The following EVA1A variants were observed in gnomAD, a reference collection of about 807,000 sequenced individuals.
EVA1A encodes protein eva-1 homolog A.
Under a neutral mutation model 9.8 loss-of-function variants are expected in EVA1A, and 7 were observed. The observed-to-expected ratio is 0.71, with a 90% CI of 0.41 to 1.34. The LOEUF is 1.34. EVA1A is among the 40% of genes most tolerant of loss of function. The pLI, the probability that EVA1A is intolerant of heterozygous loss-of-function variation, is 0.01. For missense variants in EVA1A, 206 were observed against 205.9 expected, an observed-to-expected ratio of 1.00 and a Z score of 0.00; for synonymous variants, 90 against 85.6, an observed-to-expected ratio of 1.05 and a Z score of -0.28.
intron 3 of EVA1A, among the ~76,000 whole-genome samples, chr2:75,499,484 TAA>T (rs1558670331): frequency 6.6e-6 from 1 of 152,272 alleles, no homozygotes; most frequent in African/African-American, 2.4e-5. Context: ...CTAGTGATAA[TAA>T]AAAAGTCAAA....
At chr2:75,559,792 G>C (rs1407360370) in intron 1 of EVA1A, among the ~76,000 whole-genome samples, 1 of 151,568 alleles carries the variant, frequency 6.6e-6, no homozygotes, top group Non-Finnish European at 1.5e-5. Flanking sequence ...GTGTGGTATA[G>C]ACCAGCTAGG....
chr2:75,497,522 T>TA (rs1328995641), intron 3 of EVA1A, among the ~76,000 whole-genome samples: 14 of 151,566 alleles, frequency 9.2e-5, no homozygotes, highest in Middle Eastern at 3.4e-3. Flanking sequence ...TTATTAAAAG[T>TA]AAAAAAATAC....
At chr2:75,518,602 C>A in intron 2 of EVA1A, 1 of 990,854 alleles carries the variant, frequency 1.0e-6, no homozygotes, top group Non-Finnish European at 1.2e-6. Flanking sequence ...TTTCTCTGCC[C>A]TGTATCTTCC....
At chr2:75,515,376 G>T (rs1674967906) in intron 3 of EVA1A, among the ~76,000 whole-genome samples, 1 of 152,220 alleles carries the variant, frequency 6.6e-6, no homozygotes, top group Non-Finnish European at 1.5e-5. Context: ...GATGTGAAAA[G>T]CTCAGCTGAG....
At chr2:75,520,652 G>A (rs1675201024) in intron 2 of EVA1A, among the ~76,000 whole-genome samples, 1 of 152,070 alleles carries the variant, frequency 6.6e-6, no homozygotes, top group Non-Finnish European at 1.5e-5. Flanking sequence ...CGTGCAAAAG[G>A]ATGAAGTTGG....
chr2:75,534,999 T>TA (rs1309689775), intron 1 of EVA1A, among the ~76,000 whole-genome samples: 4 of 152,144 alleles, frequency 2.6e-5, no homozygotes, highest in Non-Finnish European at 4.4e-5. Flanking sequence ...ATCCACTAAA[T>TA]AGGGTATCCT....
chr2:75,511,980 G>A (rs989033150), intron 3 of EVA1A, among the ~76,000 whole-genome samples: 3 of 151,890 alleles, frequency 2.0e-5, no homozygotes, highest in Non-Finnish European at 4.4e-5. Flanking sequence ...GGGGAGAAGT[G>A]GAGAGTGATG....
chr2:75,514,579 T>A (rs1674937471), intron 3 of EVA1A, among the ~76,000 whole-genome samples: 1 of 152,146 alleles, frequency 6.6e-6, no homozygotes, highest in Admixed American at 6.5e-5. Context: ...AAAATACATA[T>A]ACCTTCACCT....
chr2:75,525,447 C>A (rs1675395787), intron 1 of EVA1A, among the ~76,000 whole-genome samples: 1 of 152,160 alleles, frequency 6.6e-6, no homozygotes, highest in Admixed American at 6.5e-5. Context: ...GCCTGTCTAC[C>A]AAAGCATTGT....
Position 75,493,088 on chromosome 2 carries a change from A to C in EVA1A, c.*148T>G. The C allele has an allele frequency of 8.3e-7, 1 of 1,199,464 alleles. No homozygotes were observed. The allele number at this position is 1,199,464 out of a possible 1,614,324, so 74.3% of individuals were successfully genotyped here. A position where few individuals can be genotyped will look rare whatever the true frequency, so the allele number is the denominator to read the frequency against. On this transcript the variant is annotated 3_prime_UTR_variant, in exon 4 of 4. Transcript: ENST00000393913. ...CCATACATTTGGCCAAAAAGGAGCA[A>C]TCCTCCTGGCTAGAAAAGGGGCATG...
chr2:75,529,323 A>C (rs1675564208), intron 1 of EVA1A, among the ~76,000 whole-genome samples: 1 of 152,250 alleles, frequency 6.6e-6, no homozygotes, highest in South Asian at 2.1e-4. Context: ...CCCCACTGAC[A>C]GCACTAGACA....
intron 3 of EVA1A, among the ~76,000 whole-genome samples, chr2:75,500,923 A>G (rs890452060): frequency 5.3e-5 from 8 of 151,866 alleles, no homozygotes; most frequent in African/African-American, 1.9e-4. Context: ...GCAGCTTTCT[A>G]ACTCTGGATT....
In EVA1A at chr2:75,518,227, T is replaced by A. The variant is rs1221160993; in HGVS notation, c.-68-19A>T. On this transcript the variant is annotated intron_variant, in intron 2 of 3. Coordinates refer to ENST00000393913, the MANE Select transcript of EVA1A (RefSeq NM_001135032.2). ...TTCTCTTCTGTTTGGGAACATAAAGTGAGTGATAAGAAACATTCTGCTGTC... is the reference window on the plus strand; with the variant it reads ...TTCTCTTCTGTTTGGGAACATAAAGAGAGTGATAAGAAACATTCTGCTGTC... 1.3e-6 allele frequency: 2 copies of A among 1,554,684 alleles called. No homozygotes were observed. The highest frequency in any genetic ancestry group is 1.7e-6 in the Non-Finnish European group (2 of 1,153,238).
intron 3 of EVA1A, among the ~76,000 whole-genome samples, chr2:75,503,391 A>G (rs1674499474): frequency 6.6e-6 from 1 of 152,182 alleles, no homozygotes; most frequent in African/African-American, 2.4e-5. Flanking sequence ...TCCCTTAATA[A>G]ATAAAAATAA....
chr2:75,494,370 C>A (rs537741364), intron 3 of EVA1A, among the ~76,000 whole-genome samples: 1 of 152,118 alleles, frequency 6.6e-6, no homozygotes, highest in South Asian at 2.1e-4. Context: ...TACCGAGGGA[C>A]GACTGTAGGA....
chr2:75,521,216 C>T (rs1279165444), intron 2 of EVA1A, among the ~76,000 whole-genome samples: 4 of 152,134 alleles, frequency 2.6e-5, no homozygotes, highest in Non-Finnish European at 4.4e-5. Context: ...AGTATTGGAA[C>T]CCTTGTGCAC....
At chr2:75,555,301 A>ATCTCTCTCTC (rs58092436) in intron 1 of EVA1A, among the ~76,000 whole-genome samples, 1,167 of 57,114 alleles carry the variant, frequency 0.02, 86 homozygotes, top group African/African-American at 0.043. Flanking sequence ...TCAAAACTCA[A>ATCTCTCTCTC]TCTCTCTCTC....
At chr2:75,536,532 A>G (rs1223386757) in intron 1 of EVA1A, among the ~76,000 whole-genome samples, 2 of 152,196 alleles carry the variant, frequency 1.3e-5, no homozygotes, top group Non-Finnish European at 2.9e-5. Context: ...CTTTGAAAAA[A>G]AATCTATAAA....
chr2:75,523,589 CA>C (rs1675307582), intron 1 of EVA1A, among the ~76,000 whole-genome samples: 1 of 152,210 alleles, frequency 6.6e-6, no homozygotes, highest in African/African-American at 2.4e-5. Flanking sequence ...GCCTGCCAGC[CA>C]CTTGGCTTCC....
Sources: gnomAD v4.1 joint callset for allele counts (sites outside exome capture counted in the v4.1 genomes callset) on GRCh38, gnomAD v4.1.1 for gene constraint, MANE v1.5 for transcripts, NCBI Gene and HGNC (gene_info 2026-07-23, HGNC 2026-07-21) for gene names.